The following MDGA2 variants were observed in gnomAD, a reference collection of about 807,000 sequenced individuals.
MDGA2 encodes the protein MAM domain containing glycosylphosphatidylinositol anchor 2.
Under a neutral mutation model 117.8 loss-of-function variants are expected in MDGA2, and 40 were observed. The observed-to-expected ratio is 0.34, with a 90% CI of 0.26 to 0.44. The LOEUF (loss-of-function observed/expected upper bound fraction) is 0.44, where lower values mean the gene tolerates loss of function less well. Among genes scored for constraint, MDGA2 ranks in the 20% least tolerant of loss-of-function variants. The pLI is 1.00. For synonymous variants in MDGA2, 452 were observed against 439.0 expected (o/e 1.03, Z -0.37); for missense variants, 1,123 against 1,250.6 (o/e 0.90, Z 1.54).
chr14:47,561,533 C>A (rs991876149), intron 1 of MDGA2, among the ~76,000 whole-genome samples: 2 of 152,018 alleles, frequency 1.3e-5, no homozygotes. Context: ...CCAGCTTGCA[C>A]GTTGTTGGTG....
At chr14:47,031,883 C>A (rs1888677077) in intron 8 of MDGA2, among the ~76,000 whole-genome samples, 1 of 152,192 alleles carries the variant, frequency 6.6e-6, no homozygotes, top group African/African-American at 2.4e-5. Flanking sequence ...CTTCCAGAAG[C>A]CTCTCCAGAA....
intron 8 of MDGA2, among the ~76,000 whole-genome samples, chr14:46,992,259 T>C (rs898265234): frequency 6.6e-6 from 1 of 152,112 alleles, no homozygotes; most frequent in Non-Finnish European, 1.5e-5. Context: ...AATTTTAAAT[T>C]TGGAGGTGGC....
At chr14:47,049,359 A>G (rs141690325) in intron 7 of MDGA2, among the ~76,000 whole-genome samples, 1 of 152,034 alleles carries the variant, frequency 6.6e-6, no homozygotes, top group Non-Finnish European at 1.5e-5. Flanking sequence ...CAAGTCCCTT[A>G]TATAAAATGG....
intron 2 of MDGA2, among the ~76,000 whole-genome samples, chr14:47,290,372 T>C (rs1888840431): frequency 6.6e-6 from 1 of 152,056 alleles, no homozygotes; most frequent in Non-Finnish European, 1.5e-5. Context: ...TCATCATACA[T>C]GGAATCTGCA....
intron 2 of MDGA2, among the ~76,000 whole-genome samples, chr14:47,220,559 A>G (rs1044012456): frequency 6.6e-6 from 1 of 152,220 alleles, no homozygotes; most frequent in Non-Finnish European, 1.5e-5. Context: ...TCAAGCACAG[A>G]GAAGTAGTAA....
At chr14:47,315,133 T>A (rs991924591) in intron 1 of MDGA2, among the ~76,000 whole-genome samples, 1 of 152,054 alleles carries the variant, frequency 6.6e-6, no homozygotes, top group African/African-American at 2.4e-5. Context: ...TATTTCTAAG[T>A]TTATTTCTAA....
intron 1 of MDGA2, among the ~76,000 whole-genome samples, chr14:47,624,284 C>T (rs1353955911): frequency 1.3e-5 from 2 of 152,094 alleles, no homozygotes; most frequent in South Asian, 2.1e-4. Flanking sequence ...ACAGTGAAAT[C>T]CCGTCTCTAC....
At chr14:47,039,915 A>T (rs911014709) in intron 7 of MDGA2, among the ~76,000 whole-genome samples, 84 of 151,342 alleles carry the variant, frequency 5.6e-4, no homozygotes, top group African/African-American at 1.7e-3. Flanking sequence ...GCTCTCTCTC[A>T]CACACACACA....
rs11325423 is a variant in MDGA2 at position 47,265,638 on chromosome 14, T to TA, written c.420+35772dup. On this transcript the variant is annotated intron_variant, in intron 2 of 16. Coordinates refer to ENST00000399232, the MANE Select transcript of MDGA2 (RefSeq NM_001113498.3). ...GTTTAACTTCGTTTTGGGAATGCAT[T>TA]AAAAAAAAAAAAAACTCATTAGCTT... is the stretch of plus-strand genomic sequence containing the variant. 8.6e-3 allele frequency among the ~76,000 whole-genome samples: 1,229 copies of TA among 142,142 alleles called. 9 individuals are homozygous for TA. Among genetic ancestry groups the TA allele is most frequent in the African/African-American group, 0.019 (716 of 38,598 alleles). 93.3% of individuals were successfully genotyped at this position (142,142 alleles called of 152,430 possible).
At chr14:47,587,937 T>C in intron 1 of MDGA2, among the ~76,000 whole-genome samples, 1 of 151,826 alleles carries the variant, frequency 6.6e-6, no homozygotes, top group East Asian at 1.9e-4. Context: ...TCCTATGAAT[T>C]TGCCTATTCC....
intron 5 of MDGA2, among the ~76,000 whole-genome samples, chr14:47,118,918 C>T (rs1300727532): frequency 1.3e-5 from 2 of 151,990 alleles, no homozygotes; most frequent in East Asian, 3.9e-4. Context: ...AATTATTTTT[C>T]ATAGAAATGA....
At chr14:47,410,986 CTG>C (rs1566773688) in intron 1 of MDGA2, among the ~76,000 whole-genome samples, 1 of 152,160 alleles carries the variant, frequency 6.6e-6, no homozygotes, top group East Asian at 1.9e-4. Context: ...TGGATTGAAT[CTG>C]TGTCTTCTAG....
intron 15 of MDGA2, among the ~76,000 whole-genome samples, chr14:46,852,506 AAGAG>A (rs992171901): frequency 5.9e-5 from 9 of 151,952 alleles, no homozygotes; most frequent in East Asian, 1.9e-4. Context: ...GAGAAAAAGA[AAGAG>A]AGAGAGAAAT....
chr14:47,312,008 T>C (rs4488370), intron 1 of MDGA2, among the ~76,000 whole-genome samples: 13,544 of 152,184 alleles, frequency 0.089, 729 homozygotes, highest in Non-Finnish European at 0.11. Flanking sequence ...ATTAAGTTAA[T>C]TGGTGCCATG....
intron 9 of MDGA2, among the ~76,000 whole-genome samples, chr14:46,950,815 A>G (rs894735327): frequency 1.3e-5 from 2 of 151,926 alleles, no homozygotes; most frequent in Non-Finnish European, 2.9e-5. Context: ...ATAAATAAGT[A>G]AATAAAAACA....
intron 1 of MDGA2, among the ~76,000 whole-genome samples, chr14:47,574,295 C>T (rs2138827393): frequency 6.6e-6 from 1 of 152,280 alleles, no homozygotes; most frequent in Middle Eastern, 3.4e-3. Context: ...ACTTCCTGGG[C>T]TGCTTGCCAA....
rs1333931547 is a variant in MDGA2, at chr14:46,941,018, C to A, written c.2089+16356G>T. On this transcript the variant is annotated intron_variant, in intron 9 of 16. Transcript: ENST00000399232. ...TGAATAAAGGAAACCGGTTATTGAA[C>A]CTGCATCACTGTGCCTCTCCAGGAA... Among the ~76,000 whole-genome samples, 5 of 152,252 alleles carry A rather than the reference C, an allele frequency of 3.3e-5. No homozygotes were observed. In the East Asian group the frequency reaches 9.7e-4, roughly 29 times the overall value.
chr14:47,533,711 T>G (rs1895149344), intron 1 of MDGA2, among the ~76,000 whole-genome samples: 1 of 152,210 alleles, frequency 6.6e-6, no homozygotes, highest in Non-Finnish European at 1.5e-5. Flanking sequence ...ATCACTCCTG[T>G]GTATTTTTAA....
intron 1 of MDGA2, among the ~76,000 whole-genome samples, chr14:47,579,986 A>G (rs1174102754): frequency 1.3e-5 from 2 of 152,012 alleles, no homozygotes; most frequent in Non-Finnish European, 2.9e-5. Flanking sequence ...AAGAGGGAGG[A>G]ATTATTATTC....
Sources: gnomAD v4.1 joint callset for allele counts (sites outside exome capture counted in the v4.1 genomes callset) on GRCh38, gnomAD v4.1.1 for gene constraint, MANE v1.5 for transcripts, NCBI Gene and HGNC (gene_info 2026-07-23, HGNC 2026-07-21) for gene names.